Variants in SOX5 observed in about 807,000 individuals in gnomAD.
The protein encoded by SOX5 is SRY-box transcription factor 5.
In SOX5, 9 loss-of-function variants were observed where a neutral mutation model predicts 92.0. The observed-to-expected ratio is 0.10, with a 90% confidence interval of 0.06 to 0.17. The LOEUF is 0.17. Among genes scored for constraint, SOX5 ranks in the 10% least tolerant of loss-of-function variants. SOX5 has a pLI of 1.00. For synonymous variants in SOX5, 344 were observed against 336.3 expected, an observed-to-expected ratio of 1.02 and a Z score of -0.25; for missense variants, 642 against 944.5, an observed-to-expected ratio of 0.68 and a Z score of 4.20.
intron 14 of SOX5, among the ~76,000 whole-genome samples, 158 bp downstream of exon 14, chr12:23,536,295 T>C (rs183498300): frequency 6.6e-6 from 1 of 152,362 alleles, no homozygotes; most frequent in Admixed American, 6.5e-5. Flanking sequence ...TATGGACATA[T>C]TTTTCAAGAT....
At chr12:24,124,819 A>G (rs1055919672) in intron 4 of SOX5, among the ~76,000 whole-genome samples, 1 of 152,234 alleles carries the variant, frequency 6.6e-6, no homozygotes, top group Non-Finnish European at 1.5e-5. Flanking sequence ...CATTCAGCAT[A>G]TAAGAAATGA....
intron 2 of SOX5, among the ~76,000 whole-genome samples, chr12:24,331,873 A>C (rs11047370): frequency 7.1e-6 from 1 of 141,200 alleles, no homozygotes; most frequent in Non-Finnish European, 1.6e-5. Flanking sequence ...AAAAAAAAAA[A>C]AAGGAAAGAA....
rs569222388 is a variant in SOX5, at chr12:24,441,282, C to T, written c.-250-72643G>A. On this transcript the variant is annotated intron_variant, in intron 1 of 4. Coordinates refer to the SOX5 transcript ENST00000446891. ...ACACTGCGTGTGCAATAATGGGCCC[C>T]GTCCTCTCTTGTATCATATTTAGTA... Among the ~76,000 whole-genome samples, 47 of 152,286 alleles carry T rather than the reference C, an allele frequency of 3.1e-4. No homozygotes were observed. The South Asian group carries it at 8.5e-3, about 28-fold the overall frequency.
At chr12:23,870,924 T>A (rs561116124) in intron 2 of SOX5, among the ~76,000 whole-genome samples, 9 of 152,250 alleles carry the variant, frequency 5.9e-5, no homozygotes, top group African/African-American at 1.7e-4. Flanking sequence ...ACTAAGGAAA[T>A]CTCTTTATAA....
At chr12:24,104,848 C>A (rs980034591) in intron 4 of SOX5, among the ~76,000 whole-genome samples, 1 of 152,200 alleles carries the variant, frequency 6.6e-6, no homozygotes, top group African/African-American at 2.4e-5. Flanking sequence ...TATTCCACGA[C>A]AGCCAAACAA....
intron 8 of SOX5, among the ~76,000 whole-genome samples, chr12:23,634,012 T>A (rs994312038): frequency 1.3e-5 from 2 of 152,144 alleles, no homozygotes; most frequent in African/African-American, 4.8e-5. Context: ...ACTCTTAGAA[T>A]CTTCCAATGG....
intron 8 of SOX5, among the ~76,000 whole-genome samples, chr12:23,612,282 A>G (rs2076059665): frequency 6.6e-6 from 1 of 152,118 alleles, no homozygotes; most frequent in Non-Finnish European, 1.5e-5. Context: ...AATTTGATAC[A>G]TTCATATAAT....
chr12:24,213,478 A>G (rs951558306), intron 3 of SOX5: 7 of 151,636 alleles, frequency 4.6e-5, no homozygotes, highest in African/African-American at 1.7e-4. Context: ...CAAAGAAAGA[A>G]AATATTAAGT....
chr12:24,492,054 C>A (rs1947144349), intron 1 of SOX5, among the ~76,000 whole-genome samples: 1 of 152,072 alleles, frequency 6.6e-6, no homozygotes, highest in African/African-American at 2.4e-5. Context: ...ACATTCTCAC[C>A]CACCTTTTGG....
intron 3 of SOX5, among the ~76,000 whole-genome samples, chr12:24,216,801 G>A (rs549316855): frequency 2.0e-5 from 3 of 152,192 alleles, no homozygotes; most frequent in Admixed American, 1.3e-4. Flanking sequence ...GGTGGTGCAC[G>A]CCTATAATCC....
At chr12:24,241,008 G>T (rs188129211) in intron 3 of SOX5, among the ~76,000 whole-genome samples, 13 of 152,178 alleles carry the variant, frequency 8.5e-5, no homozygotes, top group Non-Finnish European at 1.3e-4. Flanking sequence ...GTTTATATGT[G>T]GTGCCATGAA....
chr12:23,890,544 C>T (rs185108870), intron 2 of SOX5, among the ~76,000 whole-genome samples: 40 of 152,078 alleles, frequency 2.6e-4, no homozygotes, highest in Admixed American at 2.0e-4. Flanking sequence ...AGACAGAAAA[C>T]GGGCACCAAA....
intron 6 of SOX5, among the ~76,000 whole-genome samples, chr12:23,694,962 T>G (rs1307217114): frequency 6.6e-6 from 1 of 151,858 alleles, no homozygotes; most frequent in Non-Finnish European, 1.5e-5. Context: ...CTACAAAAAA[T>G]TTTAAAAATT....
intron 1 of SOX5, among the ~76,000 whole-genome samples, chr12:24,479,705 G>A (rs996758114): frequency 5.3e-5 from 8 of 151,388 alleles, no homozygotes; most frequent in Non-Finnish European, 7.4e-5. Context: ...TCACTCTGTC[G>A]TCCAGGCTGG....
At chr12:24,301,744 T>C (rs1947979168) in intron 2 of SOX5, among the ~76,000 whole-genome samples, 1 of 152,170 alleles carries the variant, frequency 6.6e-6, no homozygotes, top group Non-Finnish European at 1.5e-5. Context: ...TGTACTGTCC[T>C]GGGTGGAGGA....
intron 4 of SOX5, among the ~76,000 whole-genome samples, chr12:24,142,034 T>A (rs955622442): frequency 6.6e-6 from 1 of 152,110 alleles, no homozygotes; most frequent in Non-Finnish European, 1.5e-5. Context: ...TACTTTCTTA[T>A]TTCCCCTTTT....
intron 1 of SOX5, among the ~76,000 whole-genome samples, chr12:23,917,444 T>G (rs549417627): frequency 6.6e-6 from 1 of 151,976 alleles, no homozygotes; most frequent in African/African-American, 2.4e-5. Context: ...TTCCAGCTAC[T>G]CTGGTGGCTG....
At chr12:24,363,410 T>A (rs370343616) in intron 2 of SOX5, among the ~76,000 whole-genome samples, 3 of 152,190 alleles carry the variant, frequency 2.0e-5, no homozygotes, top group African/African-American at 7.2e-5. Flanking sequence ...TGCCTCTGTA[T>A]ACATCTCAGT....
intron 1 of SOX5, among the ~76,000 whole-genome samples, chr12:24,447,668 G>A (rs553266990): frequency 1.3e-5 from 2 of 152,304 alleles, no homozygotes; most frequent in East Asian, 3.9e-4. Context: ...AGGGTAAATA[G>A]TAACTGTCTA....
Sources: gnomAD v4.1 joint callset for allele counts (sites outside exome capture counted in the v4.1 genomes callset) on GRCh38, gnomAD v4.1.1 for gene constraint, MANE v1.5 for transcripts, NCBI Gene and HGNC (gene_info 2026-07-23, HGNC 2026-07-21) for gene names.